Variants in PID1 observed in about 807,000 individuals in gnomAD.
PID1 encodes the protein phosphotyrosine interaction domain containing 1.
A neutral mutation model predicts 19.1 loss-of-function variants in PID1; 10 were observed. That is an observed-to-expected ratio of 0.52 (90% CI 0.32 to 0.89). The LOEUF is 0.89. Ranked by LOEUF, PID1 falls within the 40% of genes least tolerant of loss-of-function variation. PID1 has a pLI of 0.03. For missense variants in PID1, 248 were observed against 285.3 expected, an observed-to-expected ratio of 0.87 and a Z score of 0.94; for synonymous variants, 130 against 116.0, an observed-to-expected ratio of 1.12 and a Z score of -0.78.
intron 1 of PID1, among the ~76,000 whole-genome samples, chr2:229,165,606 A>G (rs1410319404): frequency 6.6e-6 from 1 of 152,064 alleles, no homozygotes. Flanking sequence ...ATTGTCAGAC[A>G]TGAGACATGC....
At chr2:229,124,525 C>A (rs998075454) in intron 2 of PID1, among the ~76,000 whole-genome samples, 1 of 152,022 alleles carries the variant, frequency 6.6e-6, no homozygotes, top group African/African-American at 2.4e-5. Flanking sequence ...ATAGTACCAC[C>A]CTCAGTTCTC....
intron 1 of PID1, among the ~76,000 whole-genome samples, chr2:229,216,599 A>C (rs573677398): frequency 1.3e-5 from 2 of 152,316 alleles, no homozygotes; most frequent in African/African-American, 4.8e-5. Context: ...CATGTGAGTA[A>C]TCCTCGAGTT....
At chr2:229,214,606 CACTA>C (rs998430824) in intron 1 of PID1, among the ~76,000 whole-genome samples, 7 of 152,108 alleles carry the variant, frequency 4.6e-5, no homozygotes, top group African/African-American at 1.2e-4. Context: ...GTTTTCTTTT[CACTA>C]ACTATCTACC....
chr2:229,042,570 C>G (rs916997151), intron 2 of PID1, among the ~76,000 whole-genome samples: 5 of 152,052 alleles, frequency 3.3e-5, no homozygotes, highest in African/African-American at 1.2e-4. Flanking sequence ...ATGTGTGTGG[C>G]AAGAAGAGGG....
intron 2 of PID1, among the ~76,000 whole-genome samples, chr2:229,091,812 C>T (rs746788511): frequency 2.6e-5 from 4 of 152,226 alleles, no homozygotes; most frequent in Non-Finnish European, 5.9e-5. Flanking sequence ...CTGATAGTCA[C>T]AGTCAATGGC....
chr2:229,254,051 T>G (rs1181932828), intron 1 of PID1, among the ~76,000 whole-genome samples: 2 of 152,108 alleles, frequency 1.3e-5, no homozygotes, highest in Non-Finnish European at 2.9e-5. Context: ...CTTTGTCTTT[T>G]TGTCACCCTG....
At chr2:229,097,251 C>T (rs756666647) in intron 2 of PID1, among the ~76,000 whole-genome samples, 1 of 152,136 alleles carries the variant, frequency 6.6e-6, no homozygotes, top group South Asian at 2.1e-4. Flanking sequence ...AAAGTAACAA[C>T]CCCCTCGCCC....
intron 1 of PID1, chr2:229,262,548 C>A: frequency 7.5e-7 from 1 of 1,334,056 alleles, no homozygotes; most frequent in African/African-American, 1.5e-5. Flanking sequence ...TTGGGGATAC[C>A]TACATCACAG....
chr2:229,092,411 A>G (rs138025399), intron 2 of PID1, among the ~76,000 whole-genome samples: 2 of 152,332 alleles, frequency 1.3e-5, no homozygotes, highest in Admixed American at 6.5e-5. Flanking sequence ...TTGTGTTTTC[A>G]TACTGCAAAA....
chr2:229,089,668 A>G (rs1309638336), intron 2 of PID1, among the ~76,000 whole-genome samples: 11 of 152,186 alleles, frequency 7.2e-5, no homozygotes, highest in Admixed American at 6.5e-4. Flanking sequence ...TACATAATTA[A>G]TTACCACATG....
intron 1 of PID1, among the ~76,000 whole-genome samples, chr2:229,195,819 T>A (rs934365825): frequency 2.6e-5 from 4 of 152,110 alleles, no homozygotes; most frequent in Admixed American, 6.6e-5. Flanking sequence ...TATGTCTTTT[T>A]ACATTTTCAG....
chr2:229,148,711 AAG>A (rs1287290548), intron 2 of PID1, among the ~76,000 whole-genome samples: 1 of 151,380 alleles, frequency 6.6e-6, no homozygotes, highest in Non-Finnish European at 1.5e-5. Flanking sequence ...AGGAGGAAAA[AAG>A]GGGAGAAAGG....
In PID1 at chr2:229,025,862, C is replaced by T. The variant is rs748239313; in HGVS notation, c.424G>A (p.Val142Met). ...ACCCAGGCGAAGATGTTGGGGCTCA[C>T]GTTGTGGTCGGCGGTGCAGTAGGCG... ...RIAYCTADHN[V>M]SPNIFAWVYR... Residue 142 changes from valine (V) to methionine (M), a missense_variant, in exon 3 of 3, where the codon GTG becomes ATG. Physicochemically the swap from Val to Met is conservative, Grantham distance 21. Transcript: ENST00000392055. The T allele has an allele frequency of 4.3e-6, 7 of 1,614,212 alleles. No homozygotes were observed. Among genetic ancestry groups the T allele is most frequent in the Admixed American group, 3.3e-5 (2 of 60,032 alleles).
intron 2 of PID1, among the ~76,000 whole-genome samples, chr2:229,144,404 G>T (rs1690082813): frequency 6.6e-6 from 1 of 152,088 alleles, no homozygotes; most frequent in Non-Finnish European, 1.5e-5. Context: ...GGGTAGCTGG[G>T]GAACATATTG....
chr2:229,067,858 C>T (rs1694363123), intron 2 of PID1, among the ~76,000 whole-genome samples: 1 of 152,168 alleles, frequency 6.6e-6, no homozygotes, highest in Non-Finnish European at 1.5e-5. Flanking sequence ...TCTGGTCATG[C>T]TATTCCAGCT....
chr2:229,097,251 C>A (rs756666647), intron 2 of PID1, among the ~76,000 whole-genome samples: 5 of 152,136 alleles, frequency 3.3e-5, no homozygotes, highest in Admixed American at 6.6e-5. Context: ...AAAGTAACAA[C>A]CCCCTCGCCC....
chr2:229,075,208 A>G (rs956872146), intron 2 of PID1, among the ~76,000 whole-genome samples: 3 of 152,222 alleles, frequency 2.0e-5, no homozygotes, highest in African/African-American at 7.2e-5. Context: ...CCCCAGGAAA[A>G]GGTCAAAATT....
At chr2:229,253,679 G>A (rs1690212678) in intron 1 of PID1, among the ~76,000 whole-genome samples, 1 of 151,710 alleles carries the variant, frequency 6.6e-6, no homozygotes, top group African/African-American at 2.4e-5. Flanking sequence ...CATATACAAG[G>A]ACACTGTGCG....
At chr2:229,203,385 A>C (rs1691539504) in intron 1 of PID1, among the ~76,000 whole-genome samples, 1 of 152,074 alleles carries the variant, frequency 6.6e-6, no homozygotes, top group South Asian at 2.1e-4. Flanking sequence ...TGAAAACTGC[A>C]ACTTTAAGCG....
Sources: allele counts gnomAD v4.1 joint callset (sites outside exome capture counted in the v4.1 genomes callset), GRCh38; gene constraint gnomAD v4.1.1; transcripts MANE v1.5; gene names NCBI Gene and HGNC (gene_info 2026-07-23, HGNC 2026-07-21).